The following LRRC4C variants were observed in gnomAD, a reference collection of about 807,000 sequenced individuals.
LRRC4C encodes the protein leucine rich repeat containing 4C, also known as leucine-rich repeat-containing protein 4C.
Under a neutral mutation model 33.6 loss-of-function variants are expected in LRRC4C, and 5 were observed. The observed-to-expected ratio is 0.15, with a 90% confidence interval of 0.08 to 0.31. The LOEUF (loss-of-function observed/expected upper bound fraction) is 0.31. Ranked by LOEUF, LRRC4C falls within the 10% of genes least tolerant of loss-of-function variation. The probability of loss-of-function intolerance (pLI) is 1.00; values close to 1 mark genes in which losing one functional copy is unlikely to be tolerated. For missense variants in LRRC4C, 560 were observed against 796.7 expected (o/e 0.70, Z 3.58); for synonymous variants, 329 against 302.0 (o/e 1.09, Z -0.93).
At chr11:41,368,389 G>C (rs1952622018) in intron 1 of LRRC4C, among the ~76,000 whole-genome samples, 1 of 152,132 alleles carries the variant, frequency 6.6e-6, no homozygotes, top group South Asian at 2.1e-4. Flanking sequence ...TAGAACACCT[G>C]TTCGGAGAAA....
intron 3 of LRRC4C, among the ~76,000 whole-genome samples, chr11:40,353,369 T>C (rs1403612868): frequency 1.3e-5 from 2 of 152,142 alleles, no homozygotes; most frequent in African/African-American, 4.8e-5. Context: ...CTTGAGAAAC[T>C]AATGCATTTT....
intron 1 of LRRC4C, among the ~76,000 whole-genome samples, chr11:41,430,901 T>G (rs1435178032): frequency 1.3e-5 from 2 of 152,098 alleles, no homozygotes; most frequent in African/African-American, 4.8e-5. Flanking sequence ...ATATGGAATT[T>G]ACATGAGGAA....
At chr11:40,189,318 C>A (rs914309333) in intron 5 of LRRC4C, among the ~76,000 whole-genome samples, 1 of 152,120 alleles carries the variant, frequency 6.6e-6, no homozygotes, top group South Asian at 2.1e-4. Context: ...TTTTAAACAA[C>A]CTCGTTCTAT....
intron 6 of LRRC4C, among the ~76,000 whole-genome samples, chr11:40,124,346 T>G (rs937879677): frequency 7.2e-5 from 11 of 152,160 alleles, no homozygotes; most frequent in Admixed American, 3.9e-4. Flanking sequence ...GGAAGAAATA[T>G]CTGCACTCCC....
At position 40,377,094 on chromosome 11, in the gene LRRC4C, A is replaced by AT. The variant is rs1428883133; in HGVS notation, c.-269-57374dup. On this transcript the variant is annotated intron_variant, in intron 3 of 6. Transcript: ENST00000528697. The stretch of plus-strand genomic sequence containing the variant: ...AAATAGCACAGCATGAGAGAAGCTA[A>AT]TGAGAAGACACAAGAATGAGAAATA... Among the ~76,000 whole-genome samples the AT allele has an allele frequency of 2.0e-5, 3 of 152,178 alleles. No homozygotes were observed. The East Asian group carries it at 5.8e-4, about 29-fold the overall frequency.
chr11:41,371,863 C>T (rs1220741362), intron 1 of LRRC4C, among the ~76,000 whole-genome samples: 1 of 152,218 alleles, frequency 6.6e-6, no homozygotes, highest in East Asian at 1.9e-4. Context: ...GGGCCGGGCG[C>T]GGTGGCTCAT....
intron 1 of LRRC4C, among the ~76,000 whole-genome samples, chr11:41,437,898 C>T (rs568829367): frequency 3.3e-5 from 5 of 151,906 alleles, no homozygotes; most frequent in Admixed American, 2.6e-4. Context: ...ATTAGCTGGG[C>T]GTGGTTGTGG....
chr11:41,294,530 T>C (rs950862552), intron 1 of LRRC4C, among the ~76,000 whole-genome samples: 3 of 152,222 alleles, frequency 2.0e-5, no homozygotes, highest in Non-Finnish European at 2.9e-5. Context: ...TGTATTTCTA[T>C]TTTGTCCTTA....
intron 3 of LRRC4C, among the ~76,000 whole-genome samples, chr11:40,495,813 GTTT>G (rs77683172): frequency 4.5e-5 from 3 of 67,010 alleles, no homozygotes; most frequent in South Asian, 5.9e-4. Flanking sequence ...CAATAAACAT[GTTT>G]TTTTTTTTTT....
intron 3 of LRRC4C, among the ~76,000 whole-genome samples, chr11:40,415,496 A>G (rs1950295185): frequency 6.6e-6 from 1 of 152,168 alleles, no homozygotes; most frequent in South Asian, 2.1e-4. Flanking sequence ...GTGAGAGTTC[A>G]GTGAGACTAA....
At chr11:40,667,535 G>A (rs1275631015) in intron 2 of LRRC4C, among the ~76,000 whole-genome samples, 3 of 152,058 alleles carry the variant, frequency 2.0e-5, no homozygotes, top group Admixed American at 1.3e-4. Context: ...CTTTTTTGTT[G>A]TGTTACCTTA....
chr11:40,469,927 C>T (rs888912618), intron 3 of LRRC4C, among the ~76,000 whole-genome samples: 1 of 152,154 alleles, frequency 6.6e-6, no homozygotes, highest in Non-Finnish European at 1.5e-5. Flanking sequence ...GACAGAGTAC[C>T]TGGGAGAAAG....
intron 2 of LRRC4C, among the ~76,000 whole-genome samples, chr11:40,897,058 T>C (rs913795788): frequency 2.6e-4 from 39 of 152,356 alleles, no homozygotes; most frequent in African/African-American, 9.1e-4. Context: ...GAAATATGTA[T>C]GTTTATAACA....
At chr11:41,316,286 A>AAAAAAAC (rs1565575470) in intron 1 of LRRC4C, among the ~76,000 whole-genome samples, 3 of 151,378 alleles carry the variant, frequency 2.0e-5, no homozygotes, top group Non-Finnish European at 2.9e-5. Context: ...AAAACAAAAA[A>AAAAAAAC]AAACAAACAT....
chr11:41,243,808 C>A (rs1022565932), intron 1 of LRRC4C, among the ~76,000 whole-genome samples: 1 of 152,060 alleles, frequency 6.6e-6, no homozygotes, highest in East Asian at 1.9e-4. Flanking sequence ...CTGGGCTCTA[C>A]CTTTGGTGAT....
intron 1 of LRRC4C, among the ~76,000 whole-genome samples, chr11:40,987,635 A>ATATATC (rs1853115128): frequency 2.4e-5 from 2 of 83,700 alleles, no homozygotes; most frequent in Admixed American, 2.8e-4. Context: ...GTAATGATAT[A>ATATATC]TATATATATA....
chr11:40,776,439 T>C (rs1949999612), intron 2 of LRRC4C, among the ~76,000 whole-genome samples: 1 of 152,166 alleles, frequency 6.6e-6, no homozygotes, highest in African/African-American at 2.4e-5. Context: ...GGTTTCAATT[T>C]CTTCCTGATT....
At chr11:40,650,125 TTC>T (rs1169808373) in intron 2 of LRRC4C, among the ~76,000 whole-genome samples, 6 of 152,182 alleles carry the variant, frequency 3.9e-5, no homozygotes, top group Non-Finnish European at 7.3e-5. Flanking sequence ...GATAATGAAT[TTC>T]CTGTCACAGT....
chr11:40,617,093 A>G (rs1257864813), intron 3 of LRRC4C, among the ~76,000 whole-genome samples: 1 of 151,804 alleles, frequency 6.6e-6, no homozygotes, highest in East Asian at 1.9e-4. Flanking sequence ...AGGTGAAGAC[A>G]TCTGAGTGCT....
Sources: gnomAD v4.1 joint callset for allele counts (sites outside exome capture counted in the v4.1 genomes callset) on GRCh38, gnomAD v4.1.1 for gene constraint, MANE v1.5 for transcripts, NCBI Gene and HGNC (gene_info 2026-07-23, HGNC 2026-07-21) for gene names.